ZFHX2: variants seen among roughly 807,000 people sequenced by gnomAD.
ZFHX2 encodes the protein zinc finger homeobox protein 2.
Under a neutral mutation model 164.8 loss-of-function variants are expected in ZFHX2, and 75 were observed. The observed-to-expected ratio is 0.46, with a 90% CI of 0.38 to 0.55. The LOEUF (loss-of-function observed/expected upper bound fraction) is 0.55. Ranked by LOEUF, ZFHX2 falls within the 20% of genes least tolerant of loss-of-function variation. The probability of loss-of-function intolerance (pLI) is 0.00; values close to 1 mark genes in which losing one functional copy is unlikely to be tolerated. For synonymous variants in ZFHX2, 1,217 were observed against 1,351.4 expected, an observed-to-expected ratio of 0.90 and a Z score of 2.18; for missense variants, 2,933 against 3,308.0, an observed-to-expected ratio of 0.89 and a Z score of 2.78.
At chr14:23,555,622 C>T (rs1184792792), upstream of ZFHX2, 9 of 152,228 alleles carry the variant, frequency 5.9e-5, no homozygotes, top group Non-Finnish European at 1.2e-4. Flanking sequence ...TATTAGATCC[C>T]CTCTAAAACT....
rs1284965706 is a variant in ZFHX2 at position 23,522,707 on chromosome 14, T to C, written c.6974A>G (p.Asp2325Gly). 2.0e-6 allele frequency: 3 copies of C among 1,536,606 alleles called. No individual in the cohort carries two copies. Among genetic ancestry groups the C allele is most frequent in the Non-Finnish European group, 1.7e-6 (2 of 1,146,944 alleles). The change falls in exon 10 of 10, where the codon GAT (aspartate) becomes GGT (glycine). Residue 2325 changes from aspartate (D) to glycine (G), a missense_variant. Transcript: ENST00000419474. ...PVAGPTSSSNDALKNLKALKT... is the reference protein window; with the variant it reads ...PVAGPTSSSNGALKNLKALKT... Reference sequence around the variant, plus strand: ...CAATGCTTTGAGGTTCTTGAGGGCATCATTGGAGGAGCTGGTGGGGCCTGC... The same window carrying C: ...CAATGCTTTGAGGTTCTTGAGGGCACCATTGGAGGAGCTGGTGGGGCCTGC...
In ZFHX2 at chr14:23,533,523, G is replaced by A; in HGVS notation, c.1803C>T (p.His601=). 1 of 1,536,116 alleles carries A rather than the reference G, an allele frequency of 6.5e-7. No individual in the cohort carries two copies. The highest frequency in any genetic ancestry group is 8.7e-7 in the Non-Finnish European group (1 of 1,146,890). ...EKHMQNVLML[H]QGLPLGLPPG... ...GTGGCAGGCCCAGCGGCAGCCCCTG[G>A]TGCAGCATTAGGACATTCTGCATGT... The change falls in exon 2 of 10, where the codon CAC becomes CAT. Residue 601 remains histidine (H), a synonymous_variant. Transcript: ENST00000419474. This position sits in a 1 kb window ranked among gnomAD's most constrained non-coding sequence, Gnocchi z 4.8.
chr14:23,527,568 G>C lies in ZFHX2; in HGVS notation c.3135+36C>G, dbSNP rs146627268. The C allele has an allele frequency of 4.3e-3, 6,667 of 1,535,736 alleles. 112 individuals are homozygous for C. The highest frequency in any genetic ancestry group is 0.037 in the South Asian group (3,080 of 84,034). ...TCCCCTCCTGCACAGCCCTAATAAG[G>C]TCTTGTTGTACCGTCCTCACCCAGC... On this transcript the variant is annotated intron_variant, in intron 7 of 9. Coordinates refer to ENST00000419474, the MANE Select transcript of ZFHX2 (RefSeq NM_033400.3).
At chr14:23,537,093 C>T (rs1880243876) in intron 1 of ZFHX2, among the ~76,000 whole-genome samples, 1 of 149,262 alleles carries the variant, frequency 6.7e-6, no homozygotes, top group Admixed American at 6.6e-5. Context: ...TGAGCCGGGA[C>T]TGCACCATCG....
chr14:23,525,121 G>T lies in ZFHX2; in HGVS notation c.4821C>A (p.Thr1607=), dbSNP rs979609553. 2 of 1,536,156 alleles carry T rather than the reference G, an allele frequency of 1.3e-6. No individual in the cohort carries two copies. The highest frequency in any genetic ancestry group is 3.9e-5 in the Admixed American group (2 of 51,002). ...TCTCAAAGAAAGACTGCAGGGCTTG[G>T]GTCTGGAACTCTGTGAACTTGGTTC... ...FSRTKFTEFQ[T]QALQSFFETS... is the part of the protein sequence containing the mutation. Residue 1607 remains threonine (T), a synonymous_variant, in exon 9 of 10, where the codon ACC becomes ACA. Transcript: ENST00000419474. The surrounding 1 kb of genome is among the most constrained non-coding windows in gnomAD (Gnocchi z 5.9).
intron 4 of ZFHX2, chr14:23,531,073 C>G (rs947852982): frequency 5.0e-5 from 8 of 159,606 alleles, no homozygotes; most frequent in African/African-American, 1.9e-4. Flanking sequence ...CCCATCCCTG[C>G]TGCCTTTGGA....
intron 1 of ZFHX2, among the ~76,000 whole-genome samples, chr14:23,549,975 CAG>C (rs910589172): frequency 6.6e-6 from 1 of 152,002 alleles, no homozygotes; most frequent in East Asian, 1.9e-4. Context: ...GGTGGAAACT[CAG>C]AGCTCATGGG....
Position 23,523,057 on chromosome 14 carries a change from T to C in ZFHX2, c.6740-116A>G. 7.1e-7 allele frequency: 1 copy of C among 1,403,042 alleles called. No individual in the cohort carries two copies. Among genetic ancestry groups the C allele is most frequent in the Non-Finnish European group, 9.2e-7 (1 of 1,083,494 alleles). The allele number at this position is 1,403,042 out of a possible 1,614,324, so 86.9% of individuals were successfully genotyped here. On this transcript the variant is annotated intron_variant, in intron 9 of 9. Transcript: ENST00000419474. This position sits in a 1 kb window ranked among gnomAD's most constrained non-coding sequence, Gnocchi z 4.1. The stretch of plus-strand genomic sequence containing the variant: ...TCCCAGCACCGGATTTCCATGCCCC[T>C]TCCCTCCCTTCTTTCCCCCAAGAGC...
chr14:23,549,633 T>C (rs1881761253), intron 1 of ZFHX2, among the ~76,000 whole-genome samples: 1 of 152,114 alleles, frequency 6.6e-6, no homozygotes, highest in Non-Finnish European at 1.5e-5. Flanking sequence ...AACTGATATC[T>C]AGAATGAACT....
At chr14:23,536,858 C>T (rs1023408795) in intron 1 of ZFHX2, among the ~76,000 whole-genome samples, 3 of 152,200 alleles carry the variant, frequency 2.0e-5, no homozygotes, top group Non-Finnish European at 4.4e-5. Flanking sequence ...GGATTCCAGT[C>T]TGGGCACGGT....
Position 23,526,614 on chromosome 14 carries a change from C to T in ZFHX2, c.3328G>A (p.Glu1110Lys). The T allele has an allele frequency of 6.5e-7, 1 of 1,535,856 alleles. No individual in the cohort carries two copies. Among genetic ancestry groups the T allele is most frequent in the Non-Finnish European group, 8.7e-7 (1 of 1,146,838 alleles). ...CTTCCTGAGGGTTTGTCTGGGACCT[C>T]AACTGAGGCCAGGGGAGGCTCAGGA... ...PLPEPPLASV[E>K]VPDKPSGSPG... is the part of the protein sequence containing the mutation. The change falls in exon 9 of 10, where the codon GAG becomes AAG. Residue 1110 changes from glutamate to lysine, a missense_variant. By Grantham distance (56) the Glu-to-Lys change is moderately conservative. Transcript: ENST00000419474.
At chr14:23,549,171 C>T (rs1008899135) in intron 1 of ZFHX2, among the ~76,000 whole-genome samples, 1 of 152,140 alleles carries the variant, frequency 6.6e-6, no homozygotes, top group African/African-American at 2.4e-5. Context: ...TTGCTATCAA[C>T]ACGTTTTGTT....
rs1881418485 is a variant in ZFHX2 at position 23,546,667 on chromosome 14, G to A, written c.-50+4676C>T. ...CTAGGACTTTCCCCAGAGAGGCAAG[G>A]GGCTCTGGGAAAGTGGGTGGTGGGC... On this transcript the variant is annotated intron_variant, in intron 1 of 9. Transcript: ENST00000419474. This position sits in a 1 kb window ranked among gnomAD's most constrained non-coding sequence, Gnocchi z 4.7. Among the ~76,000 whole-genome samples, 1 of 152,172 alleles carries A rather than the reference G, an allele frequency of 6.6e-6. No homozygotes were observed. The highest frequency in any genetic ancestry group is 2.4e-5 in the African/African-American group (1 of 41,440).
Position 23,526,917 on chromosome 14 carries a change from G to T in ZFHX2, c.3192C>A (p.Ser1064Arg). 1.0e-5 allele frequency: 16 copies of T among 1,534,240 alleles called. No homozygotes were observed. Among genetic ancestry groups the T allele is most frequent in the Middle Eastern group, 3.4e-4 (2 of 5,968 alleles). Residue 1064 changes from serine to arginine, a missense_variant, in exon 8 of 10, where the codon AGC becomes AGA. By Grantham distance (110) the Ser-to-Arg change is moderately radical. Transcript: ENST00000419474. ...TTKVLSAPTL[S>R]PLDNGQEPPT... ...GGGGTTCTTGGCCATTGTCCAGAGG[G>T]CTTAATGTGGGTGCAGACAGCACTT...
intron 4 of ZFHX2, chr14:23,530,543 C>T (rs755370087): frequency 3.1e-5 from 15 of 486,428 alleles, no homozygotes; most frequent in Non-Finnish European, 4.7e-5. Flanking sequence ...GTAGGAGGGG[C>T]ACTGAAGAAG....
intron 6 of ZFHX2, among the ~76,000 whole-genome samples, chr14:23,528,052 C>G (rs8020258): frequency 0.11 from 17,405 of 152,042 alleles, 1,270 homozygotes; most frequent in Non-Finnish European, 0.16. Context: ...GGATTACAGG[C>G]GTGTGCAACC....
Position 23,522,225 on chromosome 14 carries a change from G to A in ZFHX2, c.7456C>T (p.Pro2486Ser). 4 of 1,478,406 alleles carry A rather than the reference G, an allele frequency of 2.7e-6. No homozygotes were observed. The highest frequency in any genetic ancestry group is 2.5e-5 in the East Asian group (1 of 40,438). 91.6% of individuals were successfully genotyped at this position (1,478,406 alleles called of 1,614,324 possible). A position where few individuals can be genotyped will look rare whatever the true frequency, so the allele number is the denominator to read the frequency against. ...FGRGSGGSMPPPLRVPICTYH... is the reference protein window; with the variant it reads ...FGRGSGGSMPSPLRVPICTYH... ...GTGCAGATGGGCACCCGCAATGGGG[G>A]TGGCATGGAGCCCCCAGAGCCCCGC... The change falls in exon 10 of 10, where the codon CCC becomes TCC. Residue 2486 changes from proline to serine, a missense_variant. Coordinates refer to ENST00000419474, the MANE Select transcript of ZFHX2 (RefSeq NM_033400.3).
chr14:23,526,594 T>G lies in ZFHX2; in HGVS notation c.3348A>C (p.Ser1116=), dbSNP rs1878740315. ...GAGAAGGGGGTTGGCCAGGGCTTCC[T>G]GAGGGTTTGTCTGGGACCTCAACTG... is the stretch of plus-strand genomic sequence containing the variant. ...LASVEVPDKP[S]GSPGQPPSPA... Residue 1116 remains serine, a synonymous_variant, in exon 9 of 10, where the codon TCA becomes TCC. Coordinates refer to ENST00000419474, the MANE Select transcript of ZFHX2 (RefSeq NM_033400.3). 3 of 1,535,592 alleles carry G rather than the reference T, an allele frequency of 2.0e-6. No individual in the cohort carries two copies. Among genetic ancestry groups the G allele is most frequent in the Admixed American group, 2.0e-5 (1 of 50,910 alleles).
rs779127107 is a variant in ZFHX2 at position 23,535,251 on chromosome 14, C to A, written c.75G>T (p.Ser25=). ...SPGHNAPSLP[S]DTFSSSTPSD... is the part of the protein sequence containing the mutation. ...AGGGGGTGCTGGAGGAGAAGGTGTC[C>A]GAAGGCAGGGACGGGGCATTGTGCC... The change falls in exon 2 of 10, where the codon TCG becomes TCT. Residue 25 remains serine, a synonymous_variant. Transcript: ENST00000419474. This position sits in a 1 kb window ranked among gnomAD's most constrained non-coding sequence, Gnocchi z 4.5. 1.3e-6 allele frequency: 2 copies of A among 1,512,160 alleles called. No homozygotes were observed. Among genetic ancestry groups the A allele is most frequent in the East Asian group, 5.0e-5 (2 of 40,380 alleles). The allele number at this position is 1,512,160 out of a possible 1,614,324, so 93.7% of individuals were successfully genotyped here. A position where few individuals can be genotyped will look rare whatever the true frequency, so the allele number is the denominator to read the frequency against.
Sources: gnomAD v4.1 joint callset for allele counts (sites outside exome capture counted in the v4.1 genomes callset) on GRCh38, gnomAD v4.1.1 for gene constraint, Gnocchi (gnomAD v3.1) non-coding constraint, MANE v1.5 for transcripts, NCBI Gene and HGNC (gene_info 2026-07-23, HGNC 2026-07-21) for gene names.